Variants in RALYL observed in about 807,000 individuals in gnomAD.
The protein encoded by RALYL is RNA-binding Raly-like protein.
Under a neutral mutation model 35.1 loss-of-function variants are expected in RALYL, and 29 were observed. The ratio of observed to expected loss-of-function variants is 0.83; its 90% CI spans 0.61 to 1.13. RALYL has a LOEUF of 1.13. Among genes scored for constraint, RALYL ranks in the 50% most tolerant of loss-of-function variants. The probability of loss-of-function intolerance (pLI) is 0.00; values close to 1 mark genes in which losing one functional copy is unlikely to be tolerated. For missense variants in RALYL, 359 were observed against 360.4 expected, an observed-to-expected ratio of 1.00 and a Z score of 0.03; for synonymous variants, 120 against 127.6, an observed-to-expected ratio of 0.94 and a Z score of 0.40.
intron 4 of RALYL, among the ~76,000 whole-genome samples, chr8:84,847,847 C>G (rs1834985771): frequency 6.6e-6 from 1 of 152,086 alleles, no homozygotes. Flanking sequence ...GCACCTGAAC[C>G]CAAACACCAT....
intron 1 of RALYL, among the ~76,000 whole-genome samples, chr8:84,233,096 C>T (rs1825742964): frequency 6.6e-6 from 1 of 151,998 alleles, no homozygotes; most frequent in Non-Finnish European, 1.5e-5. Context: ...GATCCACCTG[C>T]CTTAGCCTCC....
chr8:84,826,418 A>G (rs536950191), intron 4 of RALYL, among the ~76,000 whole-genome samples: 1 of 152,212 alleles, frequency 6.6e-6, no homozygotes, highest in South Asian at 2.1e-4. Context: ...GAAATAACAT[A>G]AGTTCCTAAT....
intron 2 of RALYL, among the ~76,000 whole-genome samples, chr8:84,600,417 T>C (rs1289759709): frequency 6.6e-6 from 1 of 152,156 alleles, no homozygotes; most frequent in African/African-American, 2.4e-5. Flanking sequence ...GCTGGACTTA[T>C]TTAGTTTATC....
intron 2 of RALYL, among the ~76,000 whole-genome samples, chr8:84,756,436 C>A (rs1471404490): frequency 6.6e-6 from 1 of 152,036 alleles, no homozygotes; most frequent in Non-Finnish European, 1.5e-5. Flanking sequence ...ATAATGAAAT[C>A]CTAGTCACAA....
In RALYL at chr8:84,843,934, T is replaced by G. The variant is rs565558426; in HGVS notation, c.366-6046T>G. On this transcript the variant is annotated intron_variant, in intron 4 of 8. Transcript: ENST00000521268. ...AGCCATATGTAGAAAGCTGAAACTG[T>G]ATCCCTTCTTTACACCTTATACAAA... Among the ~76,000 whole-genome samples the G allele has an allele frequency of 9.9e-5, 15 of 152,274 alleles. 1 individual carries two copies. The highest frequency in any genetic ancestry group is 7.7e-4 in the East Asian group (4 of 5,190).
At chr8:84,557,935 A>G (rs2061243593) in intron 2 of RALYL, among the ~76,000 whole-genome samples, 1 of 152,226 alleles carries the variant, frequency 6.6e-6, no homozygotes, top group Admixed American at 6.5e-5. Flanking sequence ...AGAAGTCTAC[A>G]GAACCTGAAG....
At chr8:84,208,287 C>G (rs987825810) in intron 1 of RALYL, among the ~76,000 whole-genome samples, 1 of 152,136 alleles carries the variant, frequency 6.6e-6, no homozygotes, top group Admixed American at 6.6e-5. Context: ...ATTTCATTGA[C>G]AAACTACCAT....
intron 2 of RALYL, among the ~76,000 whole-genome samples, chr8:84,593,549 A>T (rs1813798702): frequency 6.6e-6 from 1 of 152,094 alleles, no homozygotes; most frequent in African/African-American, 2.4e-5. Context: ...AGAATGGGAT[A>T]CTTATAACAT....
chr8:84,474,272 C>G (rs982262893), intron 1 of RALYL, among the ~76,000 whole-genome samples: 29 of 152,122 alleles, frequency 1.9e-4, no homozygotes, highest in African/African-American at 7.0e-4. Flanking sequence ...ACAGTACATG[C>G]TTTCCACTTG....
At chr8:84,353,026 C>G (rs767800205) in intron 1 of RALYL, among the ~76,000 whole-genome samples, 1 of 150,212 alleles carries the variant, frequency 6.7e-6, no homozygotes, top group Non-Finnish European at 1.5e-5. Flanking sequence ...AGGACACCTG[C>G]GGACTTGAAA....
intron 2 of RALYL, among the ~76,000 whole-genome samples, chr8:84,686,081 T>C (rs576267504): frequency 6.6e-6 from 1 of 152,194 alleles, no homozygotes; most frequent in African/African-American, 2.4e-5. Flanking sequence ...ATTCCCCACA[T>C]GTTTCTCATG....
At chr8:84,840,817 A>T (rs1257253571) in intron 4 of RALYL, among the ~76,000 whole-genome samples, 1 of 152,228 alleles carries the variant, frequency 6.6e-6, no homozygotes, top group Non-Finnish European at 1.5e-5. Context: ...AATATTCAAC[A>T]TTCTTAAAGA....
intron 1 of RALYL, among the ~76,000 whole-genome samples, chr8:84,191,011 T>C (rs2130867165): frequency 6.6e-6 from 1 of 151,882 alleles, no homozygotes; most frequent in East Asian, 1.9e-4. Flanking sequence ...TAATGCTGCA[T>C]AGGCTCAAAA....
chr8:84,365,485 G>A (rs138350435), intron 1 of RALYL, among the ~76,000 whole-genome samples: 166 of 152,172 alleles, frequency 1.1e-3, no homozygotes, highest in Admixed American at 3.3e-3. Flanking sequence ...ATTGATGTTC[G>A]TAATTATAAC....
intron 2 of RALYL, among the ~76,000 whole-genome samples, chr8:84,735,811 CGAGAGA>C (rs59842702): frequency 0.04 from 4,476 of 111,362 alleles, 211 homozygotes; most frequent in African/African-American, 0.12. Context: ...ATCCAAACCG[CGAGAGA>C]GAGAGAGAGA....
intron 2 of RALYL, among the ~76,000 whole-genome samples, chr8:84,774,187 C>G (rs1021606210): frequency 6.6e-6 from 1 of 152,130 alleles, no homozygotes; most frequent in Non-Finnish European, 1.5e-5. Context: ...CCACTGCACT[C>G]CAGCCTGGGC....
chr8:84,741,669 T>C (rs1807343214), intron 2 of RALYL, among the ~76,000 whole-genome samples: 1 of 152,036 alleles, frequency 6.6e-6, no homozygotes, highest in East Asian at 1.9e-4. Flanking sequence ...ACATTGGGTC[T>C]TAGGCTCATC....
intron 2 of RALYL, among the ~76,000 whole-genome samples, chr8:84,741,285 G>A (rs1357201192): frequency 6.6e-6 from 1 of 152,008 alleles, no homozygotes; most frequent in Non-Finnish European, 1.5e-5. Context: ...CAGGGTCACT[G>A]CTCATCACTC....
At chr8:84,879,627 T>G (rs1258814839) in intron 7 of RALYL, among the ~76,000 whole-genome samples, 1 of 152,068 alleles carries the variant, frequency 6.6e-6, no homozygotes, top group African/African-American at 2.4e-5. Flanking sequence ...TTTAAAAGAT[T>G]CAGCCAAGTG....
Sources: allele counts gnomAD v4.1 joint callset (sites outside exome capture counted in the v4.1 genomes callset), GRCh38; gene constraint gnomAD v4.1.1; transcripts MANE v1.5; gene names NCBI Gene and HGNC (gene_info 2026-07-23, HGNC 2026-07-21).